The following OPCML variants were observed in gnomAD, a reference collection of about 807,000 sequenced individuals.
The protein encoded by OPCML is opioid binding protein/cell adhesion molecule like, also known as opioid-binding protein/cell adhesion molecule.
Under a neutral mutation model 37.8 loss-of-function variants are expected in OPCML, and 13 were observed. The ratio of observed to expected loss-of-function variants is 0.34; its 90% CI spans 0.22 to 0.55. The LOEUF (loss-of-function observed/expected upper bound fraction) is 0.55, where lower values mean the gene tolerates loss of function less well. OPCML is among the 20% of genes least tolerant of loss of function. OPCML has a pLI of 0.91. For synonymous variants in OPCML, 176 were observed against 168.8 expected (o/e 1.04, Z -0.33); for missense variants, 341 against 435.6 (o/e 0.78, Z 1.93).
At chr11:133,233,649 A>G (rs1449114003) in intron 1 of OPCML, among the ~76,000 whole-genome samples, 1 of 152,164 alleles carries the variant, frequency 6.6e-6, no homozygotes, top group Non-Finnish European at 1.5e-5. Flanking sequence ...ACATCTCCAC[A>G]TTTTATGGCT....
At chr11:132,802,498 A>T (rs1938719388) in intron 2 of OPCML, among the ~76,000 whole-genome samples, 1 of 152,192 alleles carries the variant, frequency 6.6e-6, no homozygotes, top group Non-Finnish European at 1.5e-5. Context: ...ATCCTTAAAG[A>T]TTTCTTAGAA....
chr11:133,530,092 AG>A (rs1948573270), intron 1 of OPCML, among the ~76,000 whole-genome samples: 1 of 152,088 alleles, frequency 6.6e-6, no homozygotes, highest in African/African-American at 2.4e-5. Context: ...AGATGGGGGC[AG>A]GGGGGTGGGG....
At chr11:132,522,249 C>T (rs2096295713) in intron 4 of OPCML, among the ~76,000 whole-genome samples, 1 of 152,134 alleles carries the variant, frequency 6.6e-6, no homozygotes, top group Non-Finnish European at 1.5e-5. Flanking sequence ...TGCCTTTTTG[C>T]CTATCACAAA....
chr11:133,049,220 C>A (rs900759758), intron 1 of OPCML, among the ~76,000 whole-genome samples: 1 of 152,168 alleles, frequency 6.6e-6, no homozygotes, highest in Non-Finnish European at 1.5e-5. Context: ...AAGGAACTTA[C>A]GCATCAGCAA....
intron 1 of OPCML, among the ~76,000 whole-genome samples, chr11:133,063,947 C>G (rs1263538010): frequency 6.6e-6 from 1 of 152,214 alleles, no homozygotes; most frequent in Admixed American, 6.5e-5. Flanking sequence ...GTGAAACGGG[C>G]TAGCTGTCAG....
intron 2 of OPCML, among the ~76,000 whole-genome samples, chr11:132,902,193 C>T (rs1279226665): frequency 6.6e-6 from 1 of 152,098 alleles, no homozygotes; most frequent in Admixed American, 6.5e-5. Context: ...CTGAGGAACC[C>T]CAACTTTCTT....
chr11:132,617,168 C>A (rs1939083453), intron 3 of OPCML, among the ~76,000 whole-genome samples: 1 of 152,138 alleles, frequency 6.6e-6, no homozygotes, highest in Admixed American at 6.6e-5. Context: ...CTTAAGAAAT[C>A]AATAAAATGA....
At chr11:132,776,144 G>T (rs563306215) in intron 2 of OPCML, among the ~76,000 whole-genome samples, 8 of 152,220 alleles carry the variant, frequency 5.3e-5, no homozygotes, top group African/African-American at 1.4e-4. Context: ...GGCCAGGCTG[G>T]CCTAGAACTC....
At chr11:133,187,613 C>T (rs1018924015) in intron 1 of OPCML, among the ~76,000 whole-genome samples, 2 of 152,102 alleles carry the variant, frequency 1.3e-5, no homozygotes, top group Admixed American at 6.6e-5. Flanking sequence ...GCCAAAAGCA[C>T]TAAACAGTTA....
chr11:133,096,884 A>G (rs193296520), intron 1 of OPCML, among the ~76,000 whole-genome samples: 60 of 152,228 alleles, frequency 3.9e-4, no homozygotes, highest in African/African-American at 1.4e-3. Context: ...CAGAGCAGCA[A>G]AATATACAAG....
chr11:132,765,790 A>G (rs544006751), intron 2 of OPCML, among the ~76,000 whole-genome samples: 27 of 152,240 alleles, frequency 1.8e-4, no homozygotes, highest in Non-Finnish European at 3.8e-4. Context: ...CCCTAGCAGT[A>G]TTGAAAACAG....
At chr11:133,139,988 A>C (rs1440863729) in intron 1 of OPCML, among the ~76,000 whole-genome samples, 6 of 151,698 alleles carry the variant, frequency 4.0e-5, no homozygotes, top group Non-Finnish European at 7.4e-5. Flanking sequence ...GGAGTTCGAG[A>C]CCAGCCTGGT....
chr11:133,150,154 T>C (rs1345520561), intron 1 of OPCML, among the ~76,000 whole-genome samples: 2 of 152,238 alleles, frequency 1.3e-5, no homozygotes, highest in African/African-American at 4.8e-5. Flanking sequence ...TCTGTGTCTT[T>C]ATTCTCCACA....
At chr11:133,412,254 G>T (rs1945666673) in intron 1 of OPCML, among the ~76,000 whole-genome samples, 1 of 152,208 alleles carries the variant, frequency 6.6e-6, no homozygotes, top group East Asian at 1.9e-4. Flanking sequence ...CCTAGGAGGG[G>T]CTGTGATCTT....
At chr11:132,615,020 G>A (rs1938905411) in intron 3 of OPCML, among the ~76,000 whole-genome samples, 1 of 152,146 alleles carries the variant, frequency 6.6e-6, no homozygotes, top group Admixed American at 6.5e-5. Context: ...TATAAATAAT[G>A]CACATGTATT....
At chr11:133,289,738 C>T (rs1288643111) in intron 1 of OPCML, among the ~76,000 whole-genome samples, 1 of 152,152 alleles carries the variant, frequency 6.6e-6, no homozygotes, top group Non-Finnish European at 1.5e-5. Context: ...GAACTGAGCG[C>T]ACTGAGGTTA....
At chr11:132,666,876 T>C (rs939140058) in intron 2 of OPCML, among the ~76,000 whole-genome samples, 2 of 152,218 alleles carry the variant, frequency 1.3e-5, no homozygotes, top group Non-Finnish European at 2.9e-5. Context: ...TATAGGCCTG[T>C]ATTTTATGAG....
intron 1 of OPCML, among the ~76,000 whole-genome samples, chr11:133,225,184 T>C (rs550965132): frequency 1.3e-5 from 2 of 152,350 alleles, no homozygotes; most frequent in African/African-American, 4.8e-5. Flanking sequence ...GGCACTTTGC[T>C]ACTTATGGAT....
At chr11:133,478,079 T>G (rs1390965545) in intron 1 of OPCML, among the ~76,000 whole-genome samples, 1 of 152,184 alleles carries the variant, frequency 6.6e-6, no homozygotes, top group African/African-American at 2.4e-5. Flanking sequence ...TAATTATAGA[T>G]TTCATTTTGG....
Sources: gnomAD v4.1 joint callset for allele counts (sites outside exome capture counted in the v4.1 genomes callset) on GRCh38, gnomAD v4.1.1 for gene constraint, MANE v1.5 for transcripts, NCBI Gene and HGNC (gene_info 2026-07-23, HGNC 2026-07-21) for gene names.